The following FBXO40 variants were observed in gnomAD, a reference collection of about 807,000 sequenced individuals.
The protein encoded by FBXO40 is F-box protein 40, also known as F-box only protein 40.
Under a neutral mutation model 49.9 loss-of-function variants are expected in FBXO40, and 50 were observed. The ratio of observed to expected loss-of-function variants is 1.00; its 90% CI spans 0.80 to 1.27. The LOEUF is 1.27. Among genes scored for constraint, FBXO40 ranks in the 50% most tolerant of loss-of-function variants. The pLI, the probability that FBXO40 is intolerant of heterozygous loss-of-function variation, is 0.00. For synonymous variants in FBXO40, 340 were observed against 320.2 expected (o/e 1.06, Z -0.66); for missense variants, 895 against 870.1 (o/e 1.03, Z -0.36).
At chr3:121,610,056 A>ACAGGGCATTCCCTCTTC (rs1230035702) in intron 1 of FBXO40, among the ~76,000 whole-genome samples, 8 of 152,230 alleles carry the variant, frequency 5.3e-5, no homozygotes, top group Non-Finnish European at 1.2e-4. Flanking sequence ...TCTTGGGAAC[A>ACAGGGCATTCCCTCTTC]CAGGGCATTC....
In FBXO40 at chr3:121,627,917, C is replaced by G. The variant is rs2049071366; in HGVS notation, c.*1007C>G. On this transcript the variant is annotated 3_prime_UTR_variant, in exon 4 of 4. Transcript: ENST00000338040. ...GCCAGTCACCAGCTCCTAGACAGCA[C>G]TTGGGTACCCCATTGGGGTCTTGGA... The G allele has an allele frequency of 2.5e-6, 1 of 398,668 alleles. No homozygotes were observed. The highest frequency in any genetic ancestry group is 4.4e-5 in the Admixed American group (1 of 22,740). 24.7% of individuals were successfully genotyped at this position (398,668 alleles called of 1,614,324 possible). A position where few individuals can be genotyped will look rare whatever the true frequency, so the allele number is the denominator to read the frequency against.
rs2049076869 is a variant in FBXO40 at position 121,628,734 on chromosome 3, T to C, written c.*1824T>C. On this transcript the variant is annotated 3_prime_UTR_variant, in exon 4 of 4. Coordinates refer to ENST00000338040, the MANE Select transcript of FBXO40 (RefSeq NM_016298.4). ...GCTATCCACAATAGTTATGATTTAA[T>C]GCAGCTCTTTATTTATGAAATAGGT... 1 of 152,256 alleles carries C rather than the reference T, an allele frequency of 6.6e-6. No homozygotes were observed. The highest frequency in any genetic ancestry group is 2.4e-5 in the African/African-American group (1 of 41,460). 9.4% of individuals were successfully genotyped at this position (152,256 alleles called of 1,614,324 possible).
intron 1 of FBXO40, among the ~76,000 whole-genome samples, chr3:121,600,922 G>C (rs9861169): frequency 0.22 from 33,268 of 152,086 alleles, 3,935 homozygotes; most frequent in South Asian, 0.33. Context: ...CTGTTACTGG[G>C]CACAGGAACA....
At chr3:121,593,826 G>T (rs985462739) in intron 1 of FBXO40, among the ~76,000 whole-genome samples, 24 of 152,084 alleles carry the variant, frequency 1.6e-4, no homozygotes, top group Non-Finnish European at 1.2e-4. Flanking sequence ...GGAGGAGGTG[G>T]TGAGGAAACA....
intron 1 of FBXO40, among the ~76,000 whole-genome samples, chr3:121,594,009 G>T (rs2048856743): frequency 6.6e-6 from 1 of 151,940 alleles, no homozygotes; most frequent in African/African-American, 2.4e-5. Flanking sequence ...GAGACTACAG[G>T]CACATGCCAC....
At chr3:121,615,322 C>G (rs951203595) in intron 1 of FBXO40, among the ~76,000 whole-genome samples, 2 of 151,728 alleles carry the variant, frequency 1.3e-5, no homozygotes, top group Admixed American at 1.3e-4. Context: ...ATAAGAAACC[C>G]GAGGCAGGCA....
At chr3:121,599,845 C>G (rs6438637) in intron 1 of FBXO40, among the ~76,000 whole-genome samples, 52,883 of 149,508 alleles carry the variant, frequency 0.35, 9,866 homozygotes, top group East Asian at 0.64. Context: ...GCCTCAGCCT[C>G]CCAAGTAGCT....
At chr3:121,620,428 C>T in intron 1 of FBXO40, 118 bp from the exon 2 acceptor site, 1 of 880,408 alleles carries the variant, frequency 1.1e-6, no homozygotes, top group Admixed American at 2.3e-5. Flanking sequence ...GATAAAGACA[C>T]CTCCAGGATG....
intron 1 of FBXO40, among the ~76,000 whole-genome samples, chr3:121,608,497 G>A (rs2048947347): frequency 6.6e-6 from 1 of 152,178 alleles, no homozygotes; most frequent in Non-Finnish European, 1.5e-5. Context: ...TCCATAACCT[G>A]TATGCAGGAA....
intron 2 of FBXO40, among the ~76,000 whole-genome samples, chr3:121,620,942 G>A (rs1444253205): frequency 1.3e-5 from 2 of 152,212 alleles, no homozygotes; most frequent in Non-Finnish European, 2.9e-5. Flanking sequence ...CATGGCTGCT[G>A]TCCTCCCAGC....
rs1025516939 is a variant in FBXO40 at position 121,627,495 on chromosome 3, G to A, written c.*585G>A. 1.6e-5 allele frequency: 3 copies of A among 190,514 alleles called. No individual in the cohort carries two copies. The Admixed American group carries it at 1.8e-4, about 12-fold the overall frequency. 11.8% of individuals were successfully genotyped at this position (190,514 alleles called of 1,614,324 possible). A position where few individuals can be genotyped will look rare whatever the true frequency, so the allele number is the denominator to read the frequency against. The stretch of plus-strand genomic sequence containing the variant: ...GCCTGACATAGGAGAGCCCCTGGCT[G>A]AGCATGGCAGCCTTGAAGACACCAC... On this transcript the variant is annotated 3_prime_UTR_variant, in exon 4 of 4. Coordinates refer to ENST00000338040, the MANE Select transcript of FBXO40 (RefSeq NM_016298.4).
At chr3:121,598,627 C>A (rs2048885122) in intron 1 of FBXO40, among the ~76,000 whole-genome samples, 2 of 152,280 alleles carry the variant, frequency 1.3e-5, no homozygotes, top group South Asian at 4.1e-4. Flanking sequence ...ATTATAAACC[C>A]ATTGCACTAC....
chr3:121,623,688 C>CTT lies in FBXO40; in HGVS notation c.1914+361_1914+362dup, dbSNP rs11455375. ...GGCCTTAACAAATATTTTTAAAGGC[C>CTT]TTTTTTTTTTTTTTTTTGAGAAGGA... On this transcript the variant is annotated intron_variant, in intron 3 of 3. Transcript: ENST00000338040. Among the ~76,000 whole-genome samples, 450 of 128,918 alleles carry CTT rather than the reference C, an allele frequency of 3.5e-3. 5 individuals are homozygous for CTT. Among genetic ancestry groups the CTT allele is most frequent in the Middle Eastern group, 8.4e-3 (2 of 238 alleles). The allele number at this position is 128,918 out of a possible 152,430, so 84.6% of individuals were successfully genotyped here.
chr3:121,610,944 G>A (rs1464803215), intron 1 of FBXO40, among the ~76,000 whole-genome samples: 1 of 152,170 alleles, frequency 6.6e-6, no homozygotes, highest in Non-Finnish European at 1.5e-5. Flanking sequence ...TCCCAGTCAG[G>A]AACTGCTGTA....
chr3:121,618,743 A>ATG (rs1306871975), intron 1 of FBXO40, among the ~76,000 whole-genome samples: 174 of 150,768 alleles, frequency 1.2e-3, no homozygotes, highest in African/African-American at 3.9e-3. Flanking sequence ...GTGTGTGTGT[A>ATG]TGTGTGTGTG....
Position 121,623,235 on chromosome 3 carries a change from G to A in FBXO40, c.1806G>A (p.Leu602=). The A allele has an allele frequency of 6.2e-7, 1 of 1,614,216 alleles. No individual in the cohort carries two copies. Among genetic ancestry groups the A allele is most frequent in the Non-Finnish European group, 8.5e-7 (1 of 1,180,044 alleles). ...SLAQLSQVSV[L]MRNICATLLQ... ...CCCAGCTCTCCCAGGTGTCTGTGCT[G>A]ATGAGGAATATCTGTGCCACTTTGT... Residue 602 remains leucine, a synonymous_variant, in exon 3 of 4, where the codon CTG becomes CTA. Coordinates refer to ENST00000338040, the MANE Select transcript of FBXO40 (RefSeq NM_016298.4).
rs772431558 is a variant in FBXO40, at chr3:121,626,954, G to A, written c.*44G>A. On this transcript the variant is annotated 3_prime_UTR_variant, in exon 4 of 4. Coordinates refer to ENST00000338040, the MANE Select transcript of FBXO40 (RefSeq NM_016298.4). ...ATGCACCCTTCTTGGATTTCTTCTC[G>A]GAGTTCCTGAAGTAGGACAGAGTGT... 5.3e-5 allele frequency: 84 copies of A among 1,587,920 alleles called. No homozygotes were observed. The highest frequency in any genetic ancestry group is 7.0e-5 in the Non-Finnish European group (81 of 1,158,184).
intron 1 of FBXO40, among the ~76,000 whole-genome samples, chr3:121,605,409 C>A (rs1477729862): frequency 6.6e-6 from 1 of 152,174 alleles, no homozygotes; most frequent in African/African-American, 2.4e-5. Context: ...CAATCGGTAG[C>A]AGATAAGTCC....
intron 1 of FBXO40, among the ~76,000 whole-genome samples, chr3:121,608,827 C>T (rs968841359): frequency 7.9e-5 from 12 of 152,136 alleles, no homozygotes; most frequent in African/African-American, 2.7e-4. Flanking sequence ...GGAATATTCC[C>T]CAATTTTTGG....
Sources: gnomAD v4.1 joint callset for allele counts (sites outside exome capture counted in the v4.1 genomes callset) on GRCh38, gnomAD v4.1.1 for gene constraint, MANE v1.5 for transcripts, NCBI Gene and HGNC (gene_info 2026-07-23, HGNC 2026-07-21) for gene names.